The following DAB1 variants were observed in gnomAD, a reference collection of about 807,000 sequenced individuals.
The protein encoded by DAB1 is disabled homolog 1.
In DAB1, 15 loss-of-function variants were observed where a neutral mutation model predicts 64.6. The ratio of observed to expected loss-of-function variants is 0.23; its 90% CI spans 0.16 to 0.36. The LOEUF (loss-of-function observed/expected upper bound fraction) is 0.36. Ranked by LOEUF, DAB1 falls within the 10% of genes least tolerant of loss-of-function variation. DAB1 has a pLI of 1.00. For synonymous variants in DAB1, 235 were observed against 251.9 expected (o/e 0.93, Z 0.64); for missense variants, 596 against 706.7 (o/e 0.84, Z 1.78).
At chr1:57,512,138 A>G (rs1644413261) in intron 7 of DAB1, among the ~76,000 whole-genome samples, 1 of 152,152 alleles carries the variant, frequency 6.6e-6, no homozygotes, top group Admixed American at 6.5e-5. Flanking sequence ...GGGAATTCAA[A>G]CTCAGTGTAT....
chr1:57,265,523 A>T (rs1216698877), intron 2 of DAB1, among the ~76,000 whole-genome samples: 1 of 152,156 alleles, frequency 6.6e-6, no homozygotes, highest in Non-Finnish European at 1.5e-5. Context: ...GAGATTAATG[A>T]TTTCCTCAAT....
chr1:58,046,285 C>G (rs532059934), intron 5 of DAB1, among the ~76,000 whole-genome samples: 1 of 152,168 alleles, frequency 6.6e-6, no homozygotes, highest in Non-Finnish European at 1.5e-5. Context: ...TATCAAATAT[C>G]CAATTGGCTA....
chr1:57,902,056 C>T (rs1389486283), intron 5 of DAB1, among the ~76,000 whole-genome samples: 3 of 151,318 alleles, frequency 2.0e-5, no homozygotes, highest in Non-Finnish European at 4.4e-5. Flanking sequence ...ATTTGGGAGG[C>T]TGGGGTGGGA....
chr1:57,624,628 G>T (rs2101620450), intron 7 of DAB1, among the ~76,000 whole-genome samples: 1 of 152,244 alleles, frequency 6.6e-6, no homozygotes, highest in East Asian at 1.9e-4. Flanking sequence ...TCCAAACTTA[G>T]AAAAGATGAC....
Position 58,546,344 on chromosome 1 carries a change from G to A in DAB1, n.32+359C>T, listed in dbSNP as rs1646704917. Among the ~76,000 whole-genome samples the A allele has an allele frequency of 2.0e-5, 3 of 152,300 alleles. No homozygotes were observed. The South Asian group carries it at 6.2e-4, about 32-fold the overall frequency. On this transcript the variant is annotated intron_variant and non_coding_transcript_variant, in intron 1 of 20. Coordinates refer to the DAB1 transcript ENST00000485760. ...GGGTGAGAAACCCTGCTCTGAAAGCGGAGCCGCGGATAAGGGCGGGCTGAG... is the reference window on the plus strand; with the variant it reads ...GGGTGAGAAACCCTGCTCTGAAAGCAGAGCCGCGGATAAGGGCGGGCTGAG...
At chr1:58,127,206 C>A (rs562308789) in intron 5 of DAB1, among the ~76,000 whole-genome samples, 1 of 152,042 alleles carries the variant, frequency 6.6e-6, no homozygotes, top group African/African-American at 2.4e-5. Flanking sequence ...TCTCTGATGG[C>A]CAGTGATGAT....
chr1:57,844,119 C>T (rs1653173190), intron 1 of DAB1, among the ~76,000 whole-genome samples: 1 of 152,224 alleles, frequency 6.6e-6, no homozygotes, highest in South Asian at 2.1e-4. Context: ...ACTCCTCATC[C>T]CTTAAGACCC....
intron 1 of DAB1, among the ~76,000 whole-genome samples, chr1:57,410,178 C>T (rs993435614): frequency 6.6e-6 from 1 of 152,096 alleles, no homozygotes; most frequent in African/African-American, 2.4e-5. Flanking sequence ...AAATTAAAAG[C>T]ATGTCTCAAT....
chr1:57,357,838 G>C (rs1028840535), intron 1 of DAB1, among the ~76,000 whole-genome samples: 3 of 151,892 alleles, frequency 2.0e-5, no homozygotes, highest in African/African-American at 7.3e-5. Context: ...TGAGAGTACT[G>C]CATGGGGGTA....
intron 5 of DAB1, among the ~76,000 whole-genome samples, chr1:58,103,092 G>A (rs1045708449): frequency 2.0e-5 from 3 of 152,104 alleles, no homozygotes; most frequent in Non-Finnish European, 4.4e-5. Context: ...AGGGATGCAT[G>A]TACCAAGCTA....
chr1:57,564,821 G>A (rs900558501), intron 7 of DAB1, among the ~76,000 whole-genome samples: 2 of 152,210 alleles, frequency 1.3e-5, no homozygotes, highest in Non-Finnish European at 2.9e-5. Flanking sequence ...AAGTGACAAG[G>A]AGAATGGAAC....
intron 1 of DAB1, among the ~76,000 whole-genome samples, chr1:57,843,393 C>T (rs912301975): frequency 4.6e-5 from 7 of 152,136 alleles, no homozygotes; most frequent in African/African-American, 1.7e-4. Flanking sequence ...TGATTCTGGA[C>T]AAGTCACTTC....
intron 1 of DAB1, among the ~76,000 whole-genome samples, chr1:57,861,673 G>T (rs557782326): frequency 1.3e-5 from 2 of 151,250 alleles, no homozygotes; most frequent in African/African-American, 4.8e-5. Context: ...CTATCTCAAA[G>T]GGTCATTATG....
intron 1 of DAB1, among the ~76,000 whole-genome samples, chr1:57,829,622 C>A (rs1328250785): frequency 1.3e-5 from 2 of 152,126 alleles, no homozygotes. Flanking sequence ...AAGCACTGTG[C>A]CAGATGCCAG....
chr1:58,103,865 T>A (rs575472400), intron 5 of DAB1, among the ~76,000 whole-genome samples: 1 of 152,048 alleles, frequency 6.6e-6, no homozygotes, highest in Non-Finnish European at 1.5e-5. Flanking sequence ...TCAAATTGAG[T>A]CCTAGTAACT....
At chr1:57,737,613 T>C (rs527724041) in intron 6 of DAB1, among the ~76,000 whole-genome samples, 2 of 152,302 alleles carry the variant, frequency 1.3e-5, no homozygotes, top group East Asian at 1.9e-4. Context: ...GATACAATAG[T>C]GAGCAGGAAC....
intron 3 of DAB1, among the ~76,000 whole-genome samples, chr1:58,380,629 T>C (rs1002685073): frequency 2.0e-5 from 3 of 152,230 alleles, no homozygotes; most frequent in Non-Finnish European, 4.4e-5. Context: ...CATCAGCTTT[T>C]CTTAGAAGAT....
intron 2 of DAB1, among the ~76,000 whole-genome samples, chr1:57,269,120 G>T (rs959687047): frequency 4.6e-5 from 7 of 152,086 alleles, no homozygotes; most frequent in Non-Finnish European, 8.8e-5. Context: ...GCCACAACCG[G>T]AAGTGGAGAG....
chr1:57,012,699 A>T (rs1271607941), intron 12 of DAB1, among the ~76,000 whole-genome samples: 1 of 152,250 alleles, frequency 6.6e-6, no homozygotes, highest in South Asian at 2.1e-4. Flanking sequence ...TATGGAACAA[A>T]CTGTATTGAA....
Sources: allele counts gnomAD v4.1 joint callset (sites outside exome capture counted in the v4.1 genomes callset), GRCh38; gene constraint gnomAD v4.1.1; transcripts MANE v1.5; gene names NCBI Gene and HGNC (gene_info 2026-07-23, HGNC 2026-07-21).